Variants in RIMKLA observed in about 807,000 individuals in gnomAD.
RIMKLA encodes N-acetylaspartylglutamate synthase A.
A neutral mutation model predicts 32.7 loss-of-function variants in RIMKLA; 14 were observed. The observed-to-expected ratio is 0.43, with a 90% CI of 0.28 to 0.67. The LOEUF (loss-of-function observed/expected upper bound fraction) is 0.67, where lower values mean the gene tolerates loss of function less well. Ranked by LOEUF, RIMKLA falls within the 30% of genes least tolerant of loss-of-function variation. The pLI is 0.18. For missense variants in RIMKLA, 410 were observed against 519.0 expected (o/e 0.79, Z 2.04); for synonymous variants, 176 against 204.1 (o/e 0.86, Z 1.18).
At chr1:42,395,484 G>A (rs1428788613) in intron 1 of RIMKLA, among the ~76,000 whole-genome samples, 1 of 151,944 alleles carries the variant, frequency 6.6e-6, no homozygotes, top group Admixed American at 6.6e-5. Context: ...AAGTTAGGGT[G>A]ATACCCAAGA....
Position 42,380,882 on chromosome 1 carries a change from G to T in RIMKLA, c.-53G>T. On this transcript the variant is annotated 5_prime_UTR_variant, in exon 1 of 5. Transcript: ENST00000431473. ...CCTCCGCTCGCCCTACTGAGCGAGCGGCCCGGGGCGCCGAGGGGTCCGCGC... is the reference window on the plus strand; with the variant it reads ...CCTCCGCTCGCCCTACTGAGCGAGCTGCCCGGGGCGCCGAGGGGTCCGCGC... 8.3e-7 allele frequency: 1 copy of T among 1,209,576 alleles called. No individual in the cohort carries two copies. The allele number at this position is 1,209,576 out of a possible 1,614,324, so 74.9% of individuals were successfully genotyped here.
chr1:42,388,980 A>G (rs984493309), intron 1 of RIMKLA, among the ~76,000 whole-genome samples: 1 of 152,192 alleles, frequency 6.6e-6, no homozygotes, highest in Non-Finnish European at 1.5e-5. Flanking sequence ...TTGTTGGGCT[A>G]GAATGATTTC....
At chr1:42,399,683 T>C (rs1461748660) in intron 2 of RIMKLA, 49 bp downstream of exon 2, 2 of 1,180,474 alleles carry the variant, frequency 1.7e-6, no homozygotes, top group Non-Finnish European at 2.5e-6. Flanking sequence ...CTCTGTTTTC[T>C]TTCCTTAGAA....
In RIMKLA at chr1:42,385,840, CTTTCTCTTTCTTTCTT is replaced by C. The variant is rs1350550796; in HGVS notation, c.163+4745_163+4760del. 2.6e-4 allele frequency among the ~76,000 whole-genome samples: 17 copies of C among 64,704 alleles called. 1 individual carries two copies. The East Asian group carries it at 3.2e-3, about 12-fold the overall frequency. 42.4% of individuals were successfully genotyped at this position (64,704 alleles called of 152,430 possible). ...CCTTCCTTCCTTCCTTTCTTTCTTT[CTTTCTCTTTCTTTCTT>C]TCTTTCTTTCTTTCTTTCTTTCTTT... On this transcript the variant is annotated intron_variant, in intron 1 of 4. Coordinates refer to ENST00000431473, the MANE Select transcript of RIMKLA (RefSeq NM_173642.4).
At chr1:42,387,066 CAAATAAAT>C (rs36109633) in intron 1 of RIMKLA, among the ~76,000 whole-genome samples, 5 of 141,290 alleles carry the variant, frequency 3.5e-5, no homozygotes, top group African/African-American at 2.7e-5. Flanking sequence ...GACTCCATCT[CAAATAAAT>C]AAATAAATAA....
Position 42,414,542 on chromosome 1 carries a change from G to T in RIMKLA, c.744G>T (p.Val248=). The T allele has an allele frequency of 6.2e-7, 1 of 1,614,212 alleles. No individual in the cohort carries two copies. Among genetic ancestry groups the T allele is most frequent in the Non-Finnish European group, 8.5e-7 (1 of 1,180,026 alleles). Residue 248 remains valine (V), a synonymous_variant, in exon 5 of 5, where the codon GTG becomes GTT. Transcript: ENST00000431473. ...TEQGKQLAIQ[V]SNILGMDFCG... is the part of the protein sequence containing the mutation. Reference sequence around the variant, plus strand: ...AAGGCAAGCAGTTGGCTATTCAGGTGTCCAACATCCTAGGCATGGACTTCT... The same window carrying T: ...AAGGCAAGCAGTTGGCTATTCAGGTTTCCAACATCCTAGGCATGGACTTCT...
chr1:42,423,559 G>C lies in RIMKLA; in HGVS notation c.*8585G>C, dbSNP rs1488836617. Among the ~76,000 whole-genome samples, 1 of 152,166 alleles carries C rather than the reference G, an allele frequency of 6.6e-6. No individual in the cohort carries two copies. The highest frequency in any genetic ancestry group is 1.5e-5 in the Non-Finnish European group (1 of 68,026). On this transcript the variant is annotated 3_prime_UTR_variant, in exon 5 of 5. Coordinates refer to ENST00000431473, the MANE Select transcript of RIMKLA (RefSeq NM_173642.4). ...CTGATGGCTTCCCTACCCTCTTGAC[G>C]GTGGCTCTGGCAGAAACCATGCTGC...
rs988110573 is a variant in RIMKLA, at chr1:42,400,613, G to A, written c.394+979G>A. ...CTGATTTGAGCAACCAGATGTGAAA[G>A]CAAACATTTGCTAAGACTAGAAATG... On this transcript the variant is annotated intron_variant, in intron 2 of 4. Transcript: ENST00000431473. Among the ~76,000 whole-genome samples the A allele has an allele frequency of 2.0e-5, 3 of 152,180 alleles. No individual in the cohort carries two copies. The South Asian group carries it at 6.2e-4, about 32-fold the overall frequency.
At chr1:42,393,126 A>G (rs1470372432) in intron 1 of RIMKLA, among the ~76,000 whole-genome samples, 3 of 152,136 alleles carry the variant, frequency 2.0e-5, no homozygotes, top group South Asian at 4.1e-4. Context: ...CCCTTGATAA[A>G]GTATGTTTTG....
chr1:42,386,592 T>C (rs1341266826), intron 1 of RIMKLA, among the ~76,000 whole-genome samples: 2 of 89,056 alleles, frequency 2.2e-5, no homozygotes, highest in African/African-American at 9.4e-5. Context: ...AAATAAAAAA[T>C]TGGGGGGGTG....
intron 1 of RIMKLA, among the ~76,000 whole-genome samples, chr1:42,392,224 C>T (rs902375575): frequency 6.6e-6 from 1 of 152,132 alleles, no homozygotes; most frequent in Non-Finnish European, 1.5e-5. Flanking sequence ...GATAATCATC[C>T]TAACTGCTCC....
intron 2 of RIMKLA, among the ~76,000 whole-genome samples, chr1:42,401,057 G>C (rs543719047): frequency 2.0e-5 from 3 of 152,198 alleles, no homozygotes; most frequent in Non-Finnish European, 4.4e-5. Context: ...TGGGGGTGGG[G>C]TGGGGGAGGA....
intron 3 of RIMKLA, among the ~76,000 whole-genome samples, chr1:42,408,566 C>A (rs960725034): frequency 6.6e-6 from 1 of 152,058 alleles, no homozygotes; most frequent in Non-Finnish European, 1.5e-5. Flanking sequence ...GGGTTATAGG[C>A]ATGCACCACC....
chr1:42,406,550 A>G (rs1371542496), intron 3 of RIMKLA, among the ~76,000 whole-genome samples: 2 of 152,226 alleles, frequency 1.3e-5, no homozygotes, highest in Admixed American at 6.5e-5. Context: ...ATGTTGTAGC[A>G]AGTAACACTA....
At chr1:42,411,062 G>GGTGA (rs1320696481) in intron 4 of RIMKLA, among the ~76,000 whole-genome samples, 1 of 152,198 alleles carries the variant, frequency 6.6e-6, no homozygotes, top group African/African-American at 2.4e-5. Flanking sequence ...AGTTGTGGTG[G>GGTGA]CTTATGCCTG....
chr1:42,383,566 C>T (rs933175002), intron 1 of RIMKLA, among the ~76,000 whole-genome samples: 1 of 151,798 alleles, frequency 6.6e-6, no homozygotes, highest in Non-Finnish European at 1.5e-5. Flanking sequence ...TTTGCCGAGC[C>T]AAAGTATTTC....
chr1:42,402,361 G>A (rs2148390991), intron 2 of RIMKLA, among the ~76,000 whole-genome samples: 1 of 152,306 alleles, frequency 6.6e-6, no homozygotes, highest in South Asian at 2.1e-4. Flanking sequence ...AGGGCCCAAT[G>A]TTGTATATGT....
chr1:42,407,248 T>C (rs879833655), intron 3 of RIMKLA, among the ~76,000 whole-genome samples: 8 of 152,224 alleles, frequency 5.3e-5, no homozygotes, highest in African/African-American at 7.2e-5. Flanking sequence ...TATAACAACA[T>C]GTTTGAACAT....
chr1:42,414,399 C>G, intron 4 of RIMKLA, 85 bp from the exon 5 acceptor site: 2 of 1,410,380 alleles, frequency 1.4e-6, no homozygotes, highest in South Asian at 1.4e-5. Context: ...TCTTTCTGCC[C>G]CTCCTGGGCA....
Sources: allele counts gnomAD v4.1 joint callset (sites outside exome capture counted in the v4.1 genomes callset), GRCh38; gene constraint gnomAD v4.1.1; transcripts MANE v1.5; gene names NCBI Gene and HGNC (gene_info 2026-07-23, HGNC 2026-07-21).